The following LIN28B variants were observed in gnomAD, a reference collection of about 807,000 sequenced individuals.
The protein encoded by LIN28B is lin-28 RNA binding posttranscriptional regulator B.
LIN28B carries 5 observed loss-of-function variants against 21.9 expected under a neutral mutation model. The ratio of observed to expected loss-of-function variants is 0.23; its 90% confidence interval spans 0.12 to 0.48. The LOEUF (loss-of-function observed/expected upper bound fraction) is 0.48, where lower values mean the gene tolerates loss of function less well. LIN28B is among the 20% of genes least tolerant of loss of function. The pLI, the probability that LIN28B is intolerant of heterozygous loss-of-function variation, is 0.98. For missense variants in LIN28B, 245 were observed against 310.5 expected (o/e 0.79, Z 1.58); for synonymous variants, 109 against 111.3 (o/e 0.98, Z 0.13).
At chr6:105,058,068 C>T (rs1266463104) in intron 3 of LIN28B, 3 of 391,312 alleles carry the variant, frequency 7.7e-6, no homozygotes, top group Non-Finnish European at 1.5e-5. Context: ...CTTTTGTCTA[C>T]AGGAATTTTT....
chr6:104,963,477 CAATTT>C (rs1465735740), intron 2 of LIN28B, among the ~76,000 whole-genome samples: 1 of 152,184 alleles, frequency 6.6e-6, no homozygotes, highest in African/African-American at 2.4e-5. Context: ...CATTCTGATT[CAATTT>C]AAATGTGAAA....
intron 3 of LIN28B, among the ~76,000 whole-genome samples, chr6:105,026,813 C>G (rs1220655700): frequency 6.6e-6 from 1 of 151,970 alleles, no homozygotes. Flanking sequence ...CCTCTTTTTT[C>G]AAATGAAAAT....
At chr6:105,005,926 T>A (rs1355412191) in intron 2 of LIN28B, among the ~76,000 whole-genome samples, 2 of 152,234 alleles carry the variant, frequency 1.3e-5, no homozygotes, top group Non-Finnish European at 2.9e-5. Context: ...AGCTCTTTCT[T>A]GTTTTCAGGA....
intron 2 of LIN28B, among the ~76,000 whole-genome samples, chr6:104,992,266 G>A (rs1225134382): frequency 6.6e-6 from 1 of 152,016 alleles, no homozygotes; most frequent in Non-Finnish European, 1.5e-5. Flanking sequence ...TTCCATGTTG[G>A]TCAGGCTGGA....
intron 2 of LIN28B, among the ~76,000 whole-genome samples, chr6:105,024,090 C>T (rs1771235324): frequency 6.6e-6 from 1 of 151,990 alleles, no homozygotes; most frequent in Admixed American, 6.6e-5. Flanking sequence ...CCAGGTTCAA[C>T]TGATTCTTCT....
At chr6:104,952,638 G>C (rs911499983), upstream of LIN28B, among the ~76,000 whole-genome samples, 1 of 152,046 alleles carries the variant, frequency 6.6e-6, no homozygotes, top group African/African-American at 2.4e-5. Context: ...AAACATAACT[G>C]ACCAAAAAGA....
Position 105,047,606 on chromosome 6 carries a change from G to A in LIN28B, c.383+21124G>A, listed in dbSNP as rs373596573. ...GGCATTGAATCTATAAATTACCTTGGGCAGTATGGCCATTTTCACGATATT... is the reference window on the plus strand; with the variant it reads ...GGCATTGAATCTATAAATTACCTTGAGCAGTATGGCCATTTTCACGATATT... On this transcript the variant is annotated intron_variant, in intron 3 of 3. Transcript: ENST00000345080. Among the ~76,000 whole-genome samples the A allele has an allele frequency of 2.6e-5, 4 of 152,208 alleles. No homozygotes were observed. In the East Asian group the frequency reaches 5.8e-4, roughly 22 times the overall value.
intron 3 of LIN28B, among the ~76,000 whole-genome samples, chr6:105,038,677 T>G (rs1300853466): frequency 6.6e-6 from 1 of 152,138 alleles, no homozygotes; most frequent in Non-Finnish European, 1.5e-5. Flanking sequence ...CTAGCATCAT[T>G]AATATAAACA....
upstream of LIN28B, among the ~76,000 whole-genome samples, chr6:104,952,553 TAAA>T (rs1024804097): frequency 6.6e-6 from 1 of 152,184 alleles, no homozygotes; most frequent in Admixed American, 6.5e-5. Flanking sequence ...TAAAAAAAGT[TAAA>T]AAATTCTTTC....
At chr6:105,004,152 T>TTA (rs1428220015) in intron 2 of LIN28B, among the ~76,000 whole-genome samples, 2 of 152,094 alleles carry the variant, frequency 1.3e-5, no homozygotes, top group Non-Finnish European at 2.9e-5. Flanking sequence ...TCTGCCTGTA[T>TTA]TATATACTAG....
intron 2 of LIN28B, among the ~76,000 whole-genome samples, chr6:104,990,931 G>A (rs1290796725): frequency 6.6e-6 from 1 of 152,180 alleles, no homozygotes; most frequent in Non-Finnish European, 1.5e-5. Flanking sequence ...TCTTAGTACA[G>A]AACAAAATGG....
At chr6:104,960,313 G>A (rs1467434411) in intron 2 of LIN28B, among the ~76,000 whole-genome samples, 2 of 152,166 alleles carry the variant, frequency 1.3e-5, no homozygotes, top group East Asian at 1.9e-4. Context: ...AGTAACAGAT[G>A]GTTGTAAATG....
chr6:105,012,934 C>G (rs1014012370), intron 2 of LIN28B, among the ~76,000 whole-genome samples: 4 of 152,126 alleles, frequency 2.6e-5, no homozygotes, highest in African/African-American at 9.7e-5. Flanking sequence ...TTCCTACCAG[C>G]AGTATATAAG....
intron 3 of LIN28B, among the ~76,000 whole-genome samples, chr6:105,045,111 T>C (rs1444855052): frequency 6.6e-6 from 1 of 152,126 alleles, no homozygotes; most frequent in Middle Eastern, 3.2e-3. Context: ...AATCACATCA[T>C]AGATTGAGAA....
At chr6:104,988,473 T>A (rs1323396609) in intron 2 of LIN28B, among the ~76,000 whole-genome samples, 1 of 151,390 alleles carries the variant, frequency 6.6e-6, no homozygotes, top group Non-Finnish European at 1.5e-5. Context: ...TTTGGAAGAG[T>A]CTACCAGTGC....
At chr6:105,018,135 A>G (rs965781308) in intron 2 of LIN28B, among the ~76,000 whole-genome samples, 1 of 151,720 alleles carries the variant, frequency 6.6e-6, no homozygotes, top group African/African-American at 2.4e-5. Context: ...AAAAATTTTA[A>G]AAGTAGCCAA....
chr6:104,972,056 C>T (rs1209567536), intron 2 of LIN28B, among the ~76,000 whole-genome samples: 4 of 152,148 alleles, frequency 2.6e-5, no homozygotes, highest in Admixed American at 6.5e-5. Context: ...CTGCAGCCTC[C>T]ACCTCCTGGG....
intron 3 of LIN28B, among the ~76,000 whole-genome samples, chr6:105,071,568 C>T (rs1359082637): frequency 6.6e-6 from 1 of 152,008 alleles, no homozygotes; most frequent in African/African-American, 2.4e-5. Context: ...AGTGAATATT[C>T]CTGTAGAGCA....
Position 105,078,796 on chromosome 6 carries a change from A to ATATG in LIN28B, c.*15_*18dup. ...GAAAAAGACATAACAGGTCTTCTTC[A>ATATG]TATGTTCTTTCCTTTACCCGGTTGC... is the stretch of plus-strand genomic sequence containing the variant. On this transcript the variant is annotated 3_prime_UTR_variant, in exon 4 of 4. Transcript: ENST00000345080. 1 of 1,606,468 alleles carries ATATG rather than the reference A, an allele frequency of 6.2e-7. No homozygotes were observed. The highest frequency in any genetic ancestry group is 8.5e-7 in the Non-Finnish European group (1 of 1,175,060).
Sources: allele counts gnomAD v4.1 joint callset (sites outside exome capture counted in the v4.1 genomes callset), GRCh38; gene constraint gnomAD v4.1.1; transcripts MANE v1.5; gene names NCBI Gene and HGNC (gene_info 2026-07-23, HGNC 2026-07-21).